The following DNAH11 variants were observed in gnomAD, a reference collection of about 807,000 sequenced individuals.
DNAH11 encodes axonemal beta dynein heavy chain 11.
Under a neutral mutation model 526.0 loss-of-function variants are expected in DNAH11, and 442 were observed. That is an observed-to-expected ratio of 0.84 (90% CI 0.78 to 0.91). The LOEUF (loss-of-function observed/expected upper bound fraction) is 0.91. Ranked by LOEUF, DNAH11 falls within the 40% of genes least tolerant of loss-of-function variation. DNAH11 has a pLI of 0.00. For missense variants in DNAH11, 6,989 were observed against 5,448.7 expected (o/e 1.28, Z -8.90); for synonymous variants, 2,461 against 1,935.9 (o/e 1.27, Z -7.12).
intron 2 of DNAH11, among the ~76,000 whole-genome samples, chr7:21,548,334 G>A (rs1006362830): frequency 3.9e-5 from 6 of 152,262 alleles, no homozygotes; most frequent in Non-Finnish European, 8.8e-5. Flanking sequence ...GGCGTTCTTA[G>A]TATAACTGAT....
At chr7:21,632,235 T>C (rs897387273) in intron 25 of DNAH11, among the ~76,000 whole-genome samples, 1 of 152,178 alleles carries the variant, frequency 6.6e-6, no homozygotes, top group Non-Finnish European at 1.5e-5. Context: ...GAAACCCCTT[T>C]TTCCTCTGAG....
At chr7:21,609,523 A>G (rs62447780) in intron 20 of DNAH11, among the ~76,000 whole-genome samples, 17,392 of 152,160 alleles carry the variant, frequency 0.11, 1,260 homozygotes, top group East Asian at 0.2. Context: ...CCCGGCCATA[A>G]CTGGGTATAT....
At chr7:21,723,497 C>T (rs1326380387) in intron 44 of DNAH11, among the ~76,000 whole-genome samples, 1 of 152,174 alleles carries the variant, frequency 6.6e-6, no homozygotes, top group East Asian at 1.9e-4. Context: ...CTGAAGTAGC[C>T]TCCTCACTGG....
intron 6 of DNAH11, among the ~76,000 whole-genome samples, chr7:21,568,763 A>G (rs1783769341): frequency 6.6e-6 from 1 of 152,218 alleles, no homozygotes; most frequent in Non-Finnish European, 1.5e-5. Context: ...GCTGAAGCAG[A>G]AAGGGCCACT....
chr7:21,762,867 G>T (rs755400710), intron 54 of DNAH11, among the ~76,000 whole-genome samples: 2 of 152,086 alleles, frequency 1.3e-5, no homozygotes, highest in Non-Finnish European at 2.9e-5. Flanking sequence ...AAACAGACAA[G>T]TGTACTACAT....
chr7:21,862,133 T>G (rs1783087570), intron 69 of DNAH11, 110 bp downstream of exon 69: 6 of 1,197,978 alleles, frequency 5.0e-6, no homozygotes, highest in Non-Finnish European at 6.7e-6. Flanking sequence ...TTTTTTTTTT[T>G]TTTGGAAGCC....
At chr7:21,867,557 G>A (rs147001560) in intron 71 of DNAH11, among the ~76,000 whole-genome samples, 84 of 152,246 alleles carry the variant, frequency 5.5e-4, no homozygotes, top group African/African-American at 1.9e-3. Context: ...GGGGAATCTG[G>A]CAGGGGATTT....
intron 28 of DNAH11, among the ~76,000 whole-genome samples, chr7:21,642,049 G>A (rs1185170234): frequency 6.6e-6 from 1 of 152,126 alleles, no homozygotes; most frequent in East Asian, 1.9e-4. Context: ...CCAGTCCTGT[G>A]GCCACAGTAT....
intron 25 of DNAH11, among the ~76,000 whole-genome samples, chr7:21,628,118 GT>G (rs1409207919): frequency 6.6e-6 from 1 of 151,482 alleles, no homozygotes; most frequent in Non-Finnish European, 1.5e-5. Flanking sequence ...AAATGCAACT[GT>G]TTTTTGTATG....
At chr7:21,881,447 G>A (rs144676924) in intron 75 of DNAH11, among the ~76,000 whole-genome samples, 4 of 152,210 alleles carry the variant, frequency 2.6e-5, no homozygotes, top group Non-Finnish European at 4.4e-5. Context: ...ATTTTATTTC[G>A]TAGCTAAAAT....
Position 21,742,041 on chromosome 7 carries a change from A to G in DNAH11, c.8029A>G (p.Arg2677Gly), listed in dbSNP as rs1343887819. 1.9e-6 allele frequency: 3 copies of G among 1,613,978 alleles called. No homozygotes were observed. Among genetic ancestry groups the G allele is most frequent in the African/African-American group, 1.3e-5 (1 of 75,046 alleles). Reference protein sequence around the residue: ...QQQAFAPSILRSGPTLIQATI... With the variant: ...QQQAFAPSILGSGPTLIQATI... ...GCAAGCATTTGCTCCATCAATTCTC[A>G]GGAGTGGCCCCACTTTGATCCAGGC... Residue 2677 changes from arginine to glycine, a missense_variant, in exon 49 of 82, where the codon AGG (arginine) becomes GGG (glycine). Physicochemically the swap from Arg to Gly is moderately radical, Grantham distance 125 (BLOSUM62 -2). Coordinates refer to ENST00000409508, the MANE Select transcript of DNAH11 (RefSeq NM_001277115.2).
Position 21,581,089 on chromosome 7 carries a change from G to A in DNAH11, c.1594-816G>A, listed in dbSNP as rs79396922. On this transcript the variant is annotated intron_variant, in intron 8 of 81. Coordinates refer to ENST00000409508, the MANE Select transcript of DNAH11 (RefSeq NM_001277115.2). ...GCTAACTGTCATTAATTCTATTACC[G>A]TTGTTATTGTTAATAGATTGAGGCT... Among the ~76,000 whole-genome samples the A allele has an allele frequency of 5.3e-5, 8 of 152,268 alleles. No individual in the cohort carries two copies. The East Asian group carries it at 5.8e-4, about 11-fold the overall frequency.
At chr7:21,819,359 C>T (rs929004782) in intron 65 of DNAH11, among the ~76,000 whole-genome samples, 1 of 152,102 alleles carries the variant, frequency 6.6e-6, no homozygotes, top group African/African-American at 2.4e-5. Flanking sequence ...ATTTATCATA[C>T]AATCACTAAG....
At chr7:21,579,510 A>G (rs1411367060) in intron 8 of DNAH11, among the ~76,000 whole-genome samples, 1 of 152,180 alleles carries the variant, frequency 6.6e-6, no homozygotes, top group Non-Finnish European at 1.5e-5. Flanking sequence ...ATGTAAACTG[A>G]GACCTGTAAC....
intron 34 of DNAH11, among the ~76,000 whole-genome samples, chr7:21,687,862 C>A (rs537302977): frequency 5.3e-4 from 81 of 152,204 alleles, no homozygotes; most frequent in Non-Finnish European, 1.0e-3. Context: ...CAACACCAGA[C>A]TGGGCAATAT....
At chr7:21,770,880 T>A (rs1787409390) in intron 55 of DNAH11, among the ~76,000 whole-genome samples, 1 of 152,196 alleles carries the variant, frequency 6.6e-6, no homozygotes, top group South Asian at 2.1e-4. Flanking sequence ...AACAGCACTA[T>A]GAAGAGCTTA....
At chr7:21,780,213 A>G (rs1178156305) in intron 57 of DNAH11, among the ~76,000 whole-genome samples, 1 of 152,154 alleles carries the variant, frequency 6.6e-6, no homozygotes, top group Non-Finnish European at 1.5e-5. Flanking sequence ...TTTGGGTTGT[A>G]AATGTTTCTG....
intron 56 of DNAH11, among the ~76,000 whole-genome samples, chr7:21,777,084 C>T (rs1287231696): frequency 6.6e-6 from 1 of 152,016 alleles, no homozygotes; most frequent in Non-Finnish European, 1.5e-5. Flanking sequence ...CTACGTTACC[C>T]CCCACTTCTT....
intron 65 of DNAH11, among the ~76,000 whole-genome samples, chr7:21,839,399 C>G (rs1031433228): frequency 6.6e-6 from 1 of 151,850 alleles, no homozygotes; most frequent in Non-Finnish European, 1.5e-5. Flanking sequence ...ATGGTGAAAC[C>G]CTGTCTCTAC....
Sources: gnomAD v4.1 joint callset for allele counts (sites outside exome capture counted in the v4.1 genomes callset) on GRCh38, gnomAD v4.1.1 for gene constraint, MANE v1.5 for transcripts, NCBI Gene and HGNC (gene_info 2026-07-23, HGNC 2026-07-21) for gene names.